The following DDX10 variants were observed in gnomAD, a reference collection of about 807,000 sequenced individuals.
DDX10 encodes DEAD-box helicase 10, also known as probable ATP-dependent RNA helicase DDX10.
DDX10 carries 74 observed loss-of-function variants against 104.3 expected under a neutral mutation model. The ratio of observed to expected loss-of-function variants is 0.71; its 90% CI spans 0.59 to 0.86. The LOEUF (loss-of-function observed/expected upper bound fraction) is 0.86. Among genes scored for constraint, DDX10 ranks in the 40% least tolerant of loss-of-function variants. The probability of loss-of-function intolerance (pLI) is 0.00; values close to 1 mark genes in which losing one functional copy is unlikely to be tolerated. For missense variants in DDX10, 952 were observed against 1,040.0 expected (o/e 0.92, Z 1.16); for synonymous variants, 351 against 353.4 (o/e 0.99, Z 0.08).
intron 16 of DDX10, among the ~76,000 whole-genome samples, chr11:108,870,628 G>C (rs1344361137): frequency 3.3e-5 from 5 of 152,192 alleles, no homozygotes; most frequent in African/African-American, 1.2e-4. Flanking sequence ...AACTTTACTA[G>C]AGAAGCATTC....
intron 16 of DDX10, among the ~76,000 whole-genome samples, chr11:108,891,365 G>C (rs1863373676): frequency 6.6e-6 from 1 of 152,136 alleles, no homozygotes; most frequent in African/African-American, 2.4e-5. Context: ...GCTGTGCAGG[G>C]CTGAGGTTAT....
At chr11:108,827,213 A>C (rs1194143330) in intron 13 of DDX10, among the ~76,000 whole-genome samples, 2 of 152,224 alleles carry the variant, frequency 1.3e-5, no homozygotes, top group Non-Finnish European at 2.9e-5. Context: ...AATATTTCCT[A>C]TATACTAGCC....
At chr11:108,759,063 C>CT (rs2094347727) in intron 13 of DDX10, among the ~76,000 whole-genome samples, 1 of 151,998 alleles carries the variant, frequency 6.6e-6, no homozygotes, top group Non-Finnish European at 1.5e-5. Flanking sequence ...TATAGTAGTG[C>CT]TATTATAGTA....
intron 7 of DDX10, among the ~76,000 whole-genome samples, chr11:108,690,049 T>TTA (rs1475052342): frequency 1.4e-5 from 2 of 146,980 alleles, no homozygotes; most frequent in Non-Finnish European, 3.0e-5. Context: ...CACCCTGTCT[T>TTA]TAAAAAAAAA....
chr11:108,740,863 C>G (rs1429542307), intron 13 of DDX10, among the ~76,000 whole-genome samples: 4 of 152,014 alleles, frequency 2.6e-5, no homozygotes, highest in Admixed American at 2.6e-4. Flanking sequence ...CTTATAAATT[C>G]TGAATATTAG....
chr11:108,801,755 C>T (rs1445900181), intron 13 of DDX10, among the ~76,000 whole-genome samples: 1 of 151,650 alleles, frequency 6.6e-6, no homozygotes, highest in Non-Finnish European at 1.5e-5. Flanking sequence ...TTTTAAACAC[C>T]GAAATCTATG....
intron 13 of DDX10, among the ~76,000 whole-genome samples, chr11:108,803,819 C>A (rs1464826325): frequency 6.6e-6 from 1 of 152,112 alleles, no homozygotes; most frequent in Non-Finnish European, 1.5e-5. Flanking sequence ...GTAAAGGAAT[C>A]TGAAAAAGCA....
chr11:108,838,605 G>A (rs1211166187), intron 14 of DDX10, 40 bp downstream of exon 14: 3 of 1,582,628 alleles, frequency 1.9e-6, no homozygotes, highest in Non-Finnish European at 2.6e-6. Flanking sequence ...GGTGCATTTG[G>A]AGTATTAGAA....
At chr11:108,875,928 C>A (rs1863148255) in intron 16 of DDX10, among the ~76,000 whole-genome samples, 1 of 152,038 alleles carries the variant, frequency 6.6e-6, no homozygotes. Flanking sequence ...ACTGTGGGAA[C>A]CTAACTTAGA....
At chr11:108,905,094 C>G (rs2134651918) in intron 16 of DDX10, among the ~76,000 whole-genome samples, 1 of 152,216 alleles carries the variant, frequency 6.6e-6, no homozygotes, top group African/African-American at 2.4e-5. Flanking sequence ...TGGCTCTGCT[C>G]TCCCCACAAA....
intron 13 of DDX10, among the ~76,000 whole-genome samples, chr11:108,745,518 A>G (rs914999346): frequency 6.6e-5 from 10 of 152,118 alleles, no homozygotes; most frequent in Non-Finnish European, 1.2e-4. Flanking sequence ...GATTACAGGC[A>G]TGAGCCACCA....
chr11:108,925,290 A>C (rs553451324), intron 17 of DDX10, among the ~76,000 whole-genome samples: 1 of 152,254 alleles, frequency 6.6e-6, no homozygotes, highest in Admixed American at 6.5e-5. Context: ...GAGTTTAAGA[A>C]GCTACTCTCT....
intron 1 of DDX10, among the ~76,000 whole-genome samples, chr11:108,670,986 C>T (rs1291869769): frequency 3.3e-5 from 5 of 152,012 alleles, no homozygotes; most frequent in South Asian, 2.1e-4. Flanking sequence ...CAAATGTCAC[C>T]CTTTTCTCCT....
chr11:108,800,210 G>C (rs536317878), intron 13 of DDX10, among the ~76,000 whole-genome samples: 45 of 150,626 alleles, frequency 3.0e-4, no homozygotes, highest in African/African-American at 1.1e-3. Flanking sequence ...TTGGGAGGCC[G>C]AGACAGGCGG....
At chr11:108,760,847 GT>G (rs748011479) in intron 13 of DDX10, among the ~76,000 whole-genome samples, 3 of 151,806 alleles carry the variant, frequency 2.0e-5, no homozygotes, top group Admixed American at 6.6e-5. Context: ...TTCTAAGTTT[GT>G]TGTTAGTCAT....
intron 13 of DDX10, among the ~76,000 whole-genome samples, chr11:108,795,347 T>C (rs959976544): frequency 6.6e-6 from 1 of 151,400 alleles, no homozygotes; most frequent in Non-Finnish European, 1.5e-5. Flanking sequence ...AGGGTACATG[T>C]GCACAACATG....
intron 17 of DDX10, among the ~76,000 whole-genome samples, chr11:108,928,171 T>C (rs564004849): frequency 1.1e-4 from 17 of 152,332 alleles, no homozygotes; most frequent in Admixed American, 5.2e-4. Context: ...CCCACACTTG[T>C]AAGTTTATTG....
At chr11:108,841,547 CTATTCATTAATAAGTGTA>C in intron 15 of DDX10, 71 bp downstream of exon 15, 1 of 1,310,454 alleles carries the variant, frequency 7.6e-7, no homozygotes, top group Non-Finnish European at 1.1e-6. Flanking sequence ...TATTCATTAG[CTATTCATTAATAAGTGTA>C]TTATTTTCTT....
intron 13 of DDX10, among the ~76,000 whole-genome samples, chr11:108,823,681 T>C (rs533871100): frequency 6.6e-6 from 1 of 152,294 alleles, no homozygotes; most frequent in East Asian, 1.9e-4. Flanking sequence ...TAAAAATTGG[T>C]GGTTCACTGA....
Sources: gnomAD v4.1 joint callset for allele counts (sites outside exome capture counted in the v4.1 genomes callset) on GRCh38, gnomAD v4.1.1 for gene constraint, MANE v1.5 for transcripts, NCBI Gene and HGNC (gene_info 2026-07-23, HGNC 2026-07-21) for gene names.